Variants in EPB41L2 observed in about 807,000 individuals in gnomAD.
The protein encoded by EPB41L2 is erythrocyte membrane protein band 4.1 like 2, also known as band 4.1-like protein 2.
EPB41L2 carries 43 observed loss-of-function variants against 113.0 expected under a neutral mutation model. That is an observed-to-expected ratio of 0.38 (90% CI 0.30 to 0.49). The LOEUF is 0.49. EPB41L2 is among the 20% of genes least tolerant of loss of function. EPB41L2 has a pLI of 0.95. For missense variants in EPB41L2, 1,147 were observed against 1,223.4 expected (o/e 0.94, Z 0.93); for synonymous variants, 442 against 436.7 (o/e 1.01, Z -0.15).
chr6:130,867,776 A>G, intron 15 of EPB41L2, 195 bp from the exon 16 acceptor site: 1 of 580,754 alleles, frequency 1.7e-6, no homozygotes. Flanking sequence ...TCATATATAC[A>G]CATACATACA....
chr6:130,840,453 G>A lies in EPB41L2; in HGVS notation c.*151C>T, dbSNP rs943447968. On this transcript the variant is annotated 3_prime_UTR_variant, in exon 20 of 20. Coordinates refer to ENST00000337057, the MANE Select transcript of EPB41L2 (RefSeq NM_001431.4). ...CAGAGCTGGTAAGGAAAGGTTTGGT[G>A]TTGGCATTTTAATTCTTCAGGCTTC... is the stretch of plus-strand genomic sequence containing the variant. 6.6e-6 allele frequency: 1 copy of A among 152,146 alleles called. No homozygotes were observed. The highest frequency in any genetic ancestry group is 1.5e-5 in the Non-Finnish European group (1 of 68,028). The allele number at this position is 152,146 out of a possible 1,614,324, so 9.4% of individuals were successfully genotyped here.
At chr6:130,953,558 CTTAAT>C (rs1816038087) in intron 3 of EPB41L2, among the ~76,000 whole-genome samples, 1 of 151,882 alleles carries the variant, frequency 6.6e-6, no homozygotes, top group Non-Finnish European at 1.5e-5. Context: ...AGGAGATATA[CTTAAT>C]TTAAATGATG....
At chr6:130,863,787 C>G (rs529437891) in intron 17 of EPB41L2, 69 bp from the exon 18 acceptor site, 4 of 1,039,494 alleles carry the variant, frequency 3.8e-6, no homozygotes, top group Non-Finnish European at 6.0e-6. Context: ...TCAGAGCAAA[C>G]AGAGATGGGA....
chr6:130,864,479 C>T (rs1429168892), intron 17 of EPB41L2, among the ~76,000 whole-genome samples: 2 of 152,202 alleles, frequency 1.3e-5, no homozygotes, highest in Non-Finnish European at 2.9e-5. Context: ...CCTGGGGGAA[C>T]TGCCTCACAG....
intron 1 of EPB41L2, among the ~76,000 whole-genome samples, chr6:131,023,748 TATATATAGATATATAG>T (rs3031750): frequency 0.17 from 17,163 of 102,936 alleles, 1,916 homozygotes; most frequent in African/African-American, 0.33. Flanking sequence ...TCTATATATC[TATATATAGATATATAG>T]ATATATAGAT....
intron 15 of EPB41L2, 128 bp downstream of exon 15, chr6:130,869,435 A>G (rs984435011): frequency 1.9e-5 from 17 of 892,924 alleles, no homozygotes; most frequent in Non-Finnish European, 2.7e-5. Context: ...CCTTCCTCCC[A>G]TGAGAGAGAA....
chr6:130,916,718 G>A (rs1372442989), intron 4 of EPB41L2, among the ~76,000 whole-genome samples: 2 of 152,184 alleles, frequency 1.3e-5, no homozygotes, highest in African/African-American at 4.8e-5. Context: ...CTTTAAAGGT[G>A]CGTATGAATC....
chr6:130,872,470 G>C lies in EPB41L2; in HGVS notation c.2044-2344C>G, dbSNP rs1215931548. The C allele has an allele frequency of 3.1e-6, 4 of 1,289,224 alleles. No homozygotes were observed. The Admixed American group carries it at 9.2e-5, about 30-fold the overall frequency. 79.9% of individuals were successfully genotyped at this position (1,289,224 alleles called of 1,614,324 possible). A position where few individuals can be genotyped will look rare whatever the true frequency, so the allele number is the denominator to read the frequency against. On this transcript the variant is annotated intron_variant, in intron 14 of 19. Coordinates refer to ENST00000337057, the MANE Select transcript of EPB41L2 (RefSeq NM_001431.4). ...CTGTCCAAGTGGTGGCTGAAGTGAA[G>C]GTGGCTTTCATGCTATCAGAAAAGC...
intron 12 of EPB41L2, chr6:130,882,045 A>G (rs1165097772): frequency 6.6e-6 from 1 of 152,236 alleles, no homozygotes; most frequent in African/African-American, 2.4e-5. Context: ...CAAGAGAAAT[A>G]ACAGTACTAA....
At chr6:130,884,990 T>C (rs1490842158) in intron 12 of EPB41L2, 106 bp downstream of exon 12, 11 of 1,305,926 alleles carry the variant, frequency 8.4e-6, no homozygotes, top group African/African-American at 7.4e-5. Flanking sequence ...GCAGAGAACA[T>C]AGAACAACTA....
At chr6:130,914,146 C>T (rs899633371) in intron 4 of EPB41L2, among the ~76,000 whole-genome samples, 2 of 152,230 alleles carry the variant, frequency 1.3e-5, no homozygotes, top group African/African-American at 4.8e-5. Flanking sequence ...ATGGGGATCA[C>T]AACATCTACC....
At chr6:130,990,061 C>T (rs1055497668) in intron 1 of EPB41L2, among the ~76,000 whole-genome samples, 6 of 152,198 alleles carry the variant, frequency 3.9e-5, no homozygotes, top group Non-Finnish European at 7.4e-5. Flanking sequence ...TGGCTCACAC[C>T]TGTAATCCCT....
At chr6:131,009,392 T>C (rs565130686) in intron 1 of EPB41L2, among the ~76,000 whole-genome samples, 65 of 152,310 alleles carry the variant, frequency 4.3e-4, no homozygotes, top group South Asian at 3.1e-3. Flanking sequence ...CTCGGGTATT[T>C]GTTCATAGCA....
intron 4 of EPB41L2, among the ~76,000 whole-genome samples, chr6:130,914,992 C>G (rs892566276): frequency 6.6e-6 from 1 of 152,182 alleles, no homozygotes; most frequent in Non-Finnish European, 1.5e-5. Context: ...TAAAATGTGG[C>G]CTTAGAATAT....
chr6:131,020,705 G>T (rs1361871241), intron 1 of EPB41L2, among the ~76,000 whole-genome samples: 1 of 152,194 alleles, frequency 6.6e-6, no homozygotes, highest in Non-Finnish European at 1.5e-5. Context: ...TTCCATCAAA[G>T]TTGCTCAGTT....
intron 19 of EPB41L2, among the ~76,000 whole-genome samples, chr6:130,845,237 C>A (rs1776657231): frequency 6.6e-6 from 1 of 152,204 alleles, no homozygotes; most frequent in African/African-American, 2.4e-5. Context: ...AAACTGTTTT[C>A]ATTATCATAC....
At chr6:130,883,447 CA>C (rs1190832413) in intron 12 of EPB41L2, among the ~76,000 whole-genome samples, 1 of 152,166 alleles carries the variant, frequency 6.6e-6, no homozygotes, top group Non-Finnish European at 1.5e-5. Context: ...CCATGAAACT[CA>C]AACAGCATTA....
At chr6:131,023,258 T>C (rs917776316) in intron 1 of EPB41L2, among the ~76,000 whole-genome samples, 11 of 152,186 alleles carry the variant, frequency 7.2e-5, no homozygotes, top group Non-Finnish European at 1.6e-4. Flanking sequence ...ACCCTAAACG[T>C]TTATAAAGAC....
intron 1 of EPB41L2, among the ~76,000 whole-genome samples, chr6:130,972,597 G>T (rs1478647933): frequency 1.3e-5 from 2 of 151,268 alleles, no homozygotes; most frequent in Non-Finnish European, 1.5e-5. Flanking sequence ...TCAGGACTCA[G>T]ATAGACTATA....
Sources: allele counts gnomAD v4.1 joint callset (sites outside exome capture counted in the v4.1 genomes callset), GRCh38; gene constraint gnomAD v4.1.1; transcripts MANE v1.5; gene names NCBI Gene and HGNC (gene_info 2026-07-23, HGNC 2026-07-21).